Variants in STK10 observed in about 807,000 individuals in gnomAD.
STK10 encodes the protein serine/threonine kinase 10.
STK10 carries 78 observed loss-of-function variants against 113.8 expected under a neutral mutation model. The observed-to-expected ratio is 0.69, with a 90% CI of 0.57 to 0.83. STK10 has a LOEUF of 0.83. Among genes scored for constraint, STK10 ranks in the 40% least tolerant of loss-of-function variants. STK10 has a pLI of 0.00. For missense variants in STK10, 1,109 were observed against 1,280.1 expected (o/e 0.87, Z 2.04); for synonymous variants, 465 against 494.7 (o/e 0.94, Z 0.80).
At chr5:172,154,120 C>T (rs1481359921) in intron 2 of STK10, among the ~76,000 whole-genome samples, 3 of 152,192 alleles carry the variant, frequency 2.0e-5, no homozygotes, top group East Asian at 1.9e-4. Context: ...CAAGCTTAAA[C>T]GAGCATCAGA....
Position 172,083,010 on chromosome 5 carries a change from T to G in STK10, c.1760A>C (p.His587Pro), listed in dbSNP as rs1274206947. 1 of 1,614,012 alleles carries G rather than the reference T, an allele frequency of 6.2e-7. No individual in the cohort carries two copies. The highest frequency in any genetic ancestry group is 1.3e-5 in the African/African-American group (1 of 74,940). ...HRNQTQLSNKHELQLEQMHKR... is the reference protein window; with the variant it reads ...HRNQTQLSNKPELQLEQMHKR... ...ATGCATTTGCTCCAGCTGCAGCTCA[T>G]GCTTGTTACTCAGCTGGGTCTGGTT... Residue 587 changes from histidine (H) to proline (P), a missense_variant, in exon 11 of 19, where the codon CAT becomes CCT. Transcript: ENST00000176763.
rs1228579651 is a variant in STK10, at chr5:172,082,372, C to T, written c.1943G>A (p.Arg648Gln). ...EARRIRLEQD[R>Q]DYTRFQEQLK... Reference sequence around the variant, plus strand: ...CTGCTCTTGGAACCTGGTGTAGTCCCGATCCTGCTCCAGGCGGATCCGCCT... The same window carrying T: ...CTGCTCTTGGAACCTGGTGTAGTCCTGATCCTGCTCCAGGCGGATCCGCCT... The change falls in exon 12 of 19, where the codon CGG becomes CAG. Residue 648 changes from arginine to glutamine, a missense_variant. Physicochemically the swap from Arg to Gln is conservative, Grantham distance 43. This residue lies in a region of STK10 where 885 missense variants were observed against 991.1 expected (regional missense o/e 0.89). Transcript: ENST00000176763. The surrounding 1 kb of genome is among the most constrained non-coding windows in gnomAD (Gnocchi z 4.3). The T allele has an allele frequency of 3.1e-6, 5 of 1,602,738 alleles. No homozygotes were observed. The highest frequency in any genetic ancestry group is 2.7e-5 in the African/African-American group (2 of 74,320).
chr5:172,078,947 CCACACACACACACA>C lies in STK10; in HGVS notation c.1989+3365_1989+3378del, dbSNP rs57963957. Among the ~76,000 whole-genome samples, 7 of 144,730 alleles carry C rather than the reference CCACACACACACACA, an allele frequency of 4.8e-5. No individual in the cohort carries two copies. The East Asian group carries it at 6.1e-4, about 13-fold the overall frequency. 94.9% of individuals were successfully genotyped at this position (144,730 alleles called of 152,430 possible). On this transcript the variant is annotated intron_variant, in intron 12 of 18. Transcript: ENST00000176763. The stretch of plus-strand genomic sequence containing the variant: ...TCCTCTCTCTCCCACTCTTATAAGT[CCACACACACACACA>C]CACACACACACACACACACGGTGTG...
intron 1 of STK10, among the ~76,000 whole-genome samples, chr5:172,168,407 A>T (rs1191274218): frequency 6.6e-6 from 1 of 152,170 alleles, no homozygotes; most frequent in Non-Finnish European, 1.5e-5. Flanking sequence ...TGACCTGAGG[A>T]CAGCAGACAC....
At chr5:172,156,520 C>T in intron 2 of STK10, 104 bp downstream of exon 2, 1 of 1,439,714 alleles carries the variant, frequency 6.9e-7, no homozygotes, top group Non-Finnish European at 9.3e-7. Context: ...AGCCCTCGTC[C>T]TCAAAGCAGA....
At chr5:172,107,418 C>T (rs1277854598) in intron 5 of STK10, among the ~76,000 whole-genome samples, 1 of 152,184 alleles carries the variant, frequency 6.6e-6, no homozygotes, top group African/African-American at 2.4e-5. Flanking sequence ...TGAACTTGTA[C>T]TGTTCACCTT....
Position 172,156,752 on chromosome 5 carries a change from T to C in STK10, c.193A>G (p.Lys65Glu). The change falls in exon 2 of 19, where the codon AAA (lysine) becomes GAA (glutamate). Residue 65 changes from lysine (K) to glutamate (E), a missense_variant. Lys to Glu is a moderately conservative substitution (Grantham distance 56, BLOSUM62 1). Around this residue, in one of 5 missense-constraint regions of STK10, gnomAD observed 120 missense variants for 134.8 expected, o/e 0.89. Coordinates refer to ENST00000176763, the MANE Select transcript of STK10 (RefSeq NM_005990.4). ...TCCTCACTCTTGGTTTCAATGACTTTGGCCGCAGCCAAAGCACCCGTCTCC... is the reference window on the plus strand; with the variant it reads ...TCCTCACTCTTGGTTTCAATGACTTCGGCCGCAGCCAAAGCACCCGTCTCC... Reference protein sequence around the residue: ...NKETGALAAAKVIETKSEEEL... With the variant: ...NKETGALAAAEVIETKSEEEL... 1 of 1,614,084 alleles carries C rather than the reference T, an allele frequency of 6.2e-7. No homozygotes were observed. The highest frequency in any genetic ancestry group is 8.5e-7 in the Non-Finnish European group (1 of 1,179,936).
intron 2 of STK10, among the ~76,000 whole-genome samples, chr5:172,139,203 T>A (rs1037403001): frequency 6.6e-6 from 1 of 152,100 alleles, no homozygotes; most frequent in Non-Finnish European, 1.5e-5. Flanking sequence ...TAAAATATTA[T>A]GGAATCTCAA....
At chr5:172,124,886 T>TATA (rs56694092) in intron 3 of STK10, among the ~76,000 whole-genome samples, 2 of 144,506 alleles carry the variant, frequency 1.4e-5, no homozygotes, top group African/African-American at 5.3e-5. Flanking sequence ...ATATATATAT[T>TATA]TTTTTCCCCC....
At chr5:172,117,408 G>T in intron 4 of STK10, 73 bp downstream of exon 4, 1 of 1,579,528 alleles carries the variant, frequency 6.3e-7, no homozygotes. Flanking sequence ...ACTCCCACTG[G>T]CCTGCAGAGG....
Position 172,093,367 on chromosome 5 carries a change from T to C in STK10, c.1554+45A>G. ...ACCAAAATGGAGCCACAGAACATCC[T>C]GCAATGGTCTTGCTGCAAGCCCGTG... On this transcript the variant is annotated intron_variant, in intron 9 of 18. Transcript: ENST00000176763. The surrounding 1 kb of genome is among the most constrained non-coding windows in gnomAD (Gnocchi z 4.1). 6.5e-7 allele frequency: 1 copy of C among 1,531,872 alleles called. No individual in the cohort carries two copies. The highest frequency in any genetic ancestry group is 8.8e-7 in the Non-Finnish European group (1 of 1,136,458). 94.9% of individuals were successfully genotyped at this position (1,531,872 alleles called of 1,614,324 possible).
At chr5:172,059,773 G>C (rs984769253) in intron 14 of STK10, among the ~76,000 whole-genome samples, 9 of 152,138 alleles carry the variant, frequency 5.9e-5, no homozygotes, top group African/African-American at 1.9e-4. Flanking sequence ...GACCCCCTCA[G>C]CGTGTCAACT....
At chr5:172,052,590 AT>A (rs1331567697) in intron 18 of STK10, among the ~76,000 whole-genome samples, 1 of 152,262 alleles carries the variant, frequency 6.6e-6, no homozygotes, top group Admixed American at 6.5e-5. Flanking sequence ...ACTCCTCAGA[AT>A]AACTTCCTCT....
intron 18 of STK10, among the ~76,000 whole-genome samples, chr5:172,049,616 G>C (rs1309635403): frequency 6.6e-6 from 1 of 152,058 alleles, no homozygotes; most frequent in Non-Finnish European, 1.5e-5. Flanking sequence ...GCTTTCTGGG[G>C]GTGGGGGAGG....
Position 172,156,611 on chromosome 5 carries a change from G to A in STK10, c.321+13C>T, listed in dbSNP as rs769615142. 6.2e-7 allele frequency: 1 copy of A among 1,609,224 alleles called. No individual in the cohort carries two copies. The highest frequency in any genetic ancestry group is 2.2e-5 in the East Asian group (1 of 44,778). On this transcript the variant is annotated intron_variant, in intron 2 of 18. Coordinates refer to ENST00000176763, the MANE Select transcript of STK10 (RefSeq NM_005990.4). ...TGGGGGCTGAGCTGGGACAGACAGG[G>A]CGGCAGCCTTACCCACAGCTTCCCG...
rs865893217 is a variant in STK10, at chr5:172,158,323, T to C, written c.157-1535A>G. ...AAGCAAGGACTCAAGGAGATATTTATATACTCATAGCAGCCAAAGTGTGGA... is the reference window on the plus strand; with the variant it reads ...AAGCAAGGACTCAAGGAGATATTTACATACTCATAGCAGCCAAAGTGTGGA... On this transcript the variant is annotated intron_variant, in intron 1 of 18. Coordinates refer to ENST00000176763, the MANE Select transcript of STK10 (RefSeq NM_005990.4). Among the ~76,000 whole-genome samples, 5 of 151,890 alleles carry C rather than the reference T, an allele frequency of 3.3e-5. No homozygotes were observed. In the East Asian group the frequency reaches 9.7e-4, roughly 29 times the overall value.
intron 2 of STK10, among the ~76,000 whole-genome samples, chr5:172,128,135 T>C (rs1413428901): frequency 6.7e-6 from 1 of 148,338 alleles, no homozygotes; most frequent in Non-Finnish European, 1.5e-5. Context: ...GAAAGGACGA[T>C]TACAGTAGAA....
At chr5:172,144,128 TGG>T (rs1306660833) in intron 2 of STK10, among the ~76,000 whole-genome samples, 1 of 152,234 alleles carries the variant, frequency 6.6e-6, no homozygotes, top group Non-Finnish European at 1.5e-5. Context: ...GTTTTACAGA[TGG>T]GGAAACTGAG....
rs950780889 is a variant in STK10, at chr5:172,187,602, G to A, written c.156+285C>T. Among the ~76,000 whole-genome samples, 1 of 152,286 alleles carries A rather than the reference G, an allele frequency of 6.6e-6. No individual in the cohort carries two copies. The highest frequency in any genetic ancestry group is 3.4e-3 in the Middle Eastern group (1 of 294). On this transcript the variant is annotated intron_variant, in intron 1 of 18. Coordinates refer to ENST00000176763, the MANE Select transcript of STK10 (RefSeq NM_005990.4). This position sits in a 1 kb window ranked among gnomAD's most constrained non-coding sequence, Gnocchi z 4.6. ...CCTGTCAACGCCCCTTTGTCTCCCC[G>A]TGCGGCGCCGAGCGCAGTGCAGGAC...
Sources: gnomAD v4.1 joint callset for allele counts (sites outside exome capture counted in the v4.1 genomes callset) on GRCh38, gnomAD v4.1.1 for gene constraint, gnomAD v4.1.1 regional missense constraint, Gnocchi (gnomAD v3.1) non-coding constraint, MANE v1.5 for transcripts, NCBI Gene and HGNC (gene_info 2026-07-23, HGNC 2026-07-21) for gene names.